CMIP: variants seen among roughly 807,000 people sequenced by gnomAD.
The protein encoded by CMIP is c-Maf inducing protein.
CMIP carries 13 observed loss-of-function variants against 97.3 expected under a neutral mutation model. That is an observed-to-expected ratio of 0.13 (90% confidence interval 0.09 to 0.21). CMIP has a LOEUF of 0.21. Among genes scored for constraint, CMIP ranks in the 10% least tolerant of loss-of-function variants. CMIP has a pLI of 1.00. For synonymous variants in CMIP, 538 were observed against 436.3 expected, an observed-to-expected ratio of 1.23 and a Z score of -2.91; for missense variants, 847 against 1,024.9, an observed-to-expected ratio of 0.83 and a Z score of 2.37.
chr16:81,521,379 C>A (rs1280659535), intron 1 of CMIP, among the ~76,000 whole-genome samples: 3 of 7,984 alleles, frequency 3.8e-4, no homozygotes, highest in African/African-American at 1.3e-3. Context: ...CATTTGCCAC[C>A]CCCCCCCGAA....
intron 1 of CMIP, among the ~76,000 whole-genome samples, chr16:81,447,052 C>CA (rs1567520164): frequency 6.6e-6 from 1 of 152,138 alleles, no homozygotes; most frequent in African/African-American, 2.4e-5. Context: ...GCCCGTCCCG[C>CA]GCCACAGGCC....
intron 3 of CMIP, among the ~76,000 whole-genome samples, chr16:81,641,168 G>T (rs1238302578): frequency 6.6e-6 from 1 of 152,164 alleles, no homozygotes; most frequent in East Asian, 1.9e-4. Context: ...GGCAATTCCT[G>T]TGCACACGAA....
intron 9 of CMIP, among the ~76,000 whole-genome samples, chr16:81,672,292 TGCAA>T: frequency 6.6e-6 from 1 of 152,222 alleles, no homozygotes. Flanking sequence ...GCACCGCAAC[TGCAA>T]GGCTGTTAGA....
chr16:81,447,123 G>A lies in CMIP; in HGVS notation c.300+1582G>A, dbSNP rs1474141410. ...AGAGCCTCCGAAAATTTGCCAGTACGGAGTGTTTCTGATGTGGGGAGGAAC... is the reference window on the plus strand; with the variant it reads ...AGAGCCTCCGAAAATTTGCCAGTACAGAGTGTTTCTGATGTGGGGAGGAAC... On this transcript the variant is annotated intron_variant, in intron 1 of 20. Transcript: ENST00000537098. 5.3e-5 allele frequency among the ~76,000 whole-genome samples: 8 copies of A among 152,178 alleles called. No homozygotes were observed. The East Asian group carries it at 9.6e-4, about 18-fold the overall frequency.
At chr16:81,663,818 C>G (rs1422059812) in intron 6 of CMIP, among the ~76,000 whole-genome samples, 2 of 152,020 alleles carry the variant, frequency 1.3e-5, no homozygotes, top group East Asian at 3.9e-4. Context: ...CACTTTACCC[C>G]CTGCCCAGGG....
intron 1 of CMIP, among the ~76,000 whole-genome samples, chr16:81,544,360 C>T (rs761342422): frequency 2.0e-5 from 3 of 152,118 alleles, no homozygotes; most frequent in Non-Finnish European, 4.4e-5. Flanking sequence ...ATGTGTGTGG[C>T]GTGAACACGT....
intron 1 of CMIP, among the ~76,000 whole-genome samples, chr16:81,555,904 C>A (rs991541853): frequency 6.6e-6 from 1 of 152,194 alleles, no homozygotes; most frequent in African/African-American, 2.4e-5. Context: ...ATAATACCCA[C>A]CCCTGGGAGA....
At chr16:81,497,424 A>T (rs2925995) in intron 1 of CMIP, among the ~76,000 whole-genome samples, 54,517 of 152,066 alleles carry the variant, frequency 0.36, 10,155 homozygotes, top group African/African-American at 0.46. Flanking sequence ...TGGAGCTCAT[A>T]ATAAGTAGGG....
intron 6 of CMIP, among the ~76,000 whole-genome samples, chr16:81,663,139 A>T (rs2092565770): frequency 6.6e-6 from 1 of 151,884 alleles, no homozygotes; most frequent in African/African-American, 2.4e-5. Flanking sequence ...ACTCGTAGGT[A>T]TTTCCCCAAA....
intron 20 of CMIP, among the ~76,000 whole-genome samples, chr16:81,708,876 TTGCATG>T (rs1183651056): frequency 1.3e-5 from 2 of 152,152 alleles, no homozygotes; most frequent in South Asian, 2.1e-4. Context: ...CAGCGAGGAA[TTGCATG>T]TGCATGTGTG....
At chr16:81,520,202 G>C (rs1443348350) in intron 1 of CMIP, 1 of 152,180 alleles carries the variant, frequency 6.6e-6, no homozygotes, top group Non-Finnish European at 1.5e-5. Context: ...AGTCCTGCTG[G>C]CTGGGTTTGA....
At chr16:81,531,206 G>A (rs2090228269) in intron 1 of CMIP, among the ~76,000 whole-genome samples, 1 of 152,188 alleles carries the variant, frequency 6.6e-6, no homozygotes, top group African/African-American at 2.4e-5. Flanking sequence ...TAGACACAGA[G>A]AGACACACAG....
At chr16:81,696,793 ATC>A in intron 14 of CMIP, 126 bp downstream of exon 14, 59 of 790,884 alleles carry the variant, frequency 7.5e-5, no homozygotes, top group Non-Finnish European at 9.1e-5. Flanking sequence ...CACAGTGCTG[ATC>A]ATGAAGGTGG....
At chr16:81,544,742 T>C (rs899965601) in intron 1 of CMIP, among the ~76,000 whole-genome samples, 2 of 151,952 alleles carry the variant, frequency 1.3e-5, no homozygotes, top group Non-Finnish European at 2.9e-5. Flanking sequence ...TGTGTGTGTG[T>C]GCGTGTATTT....
rs150438702 is a variant in CMIP at position 81,623,354 on chromosome 16, A to C, written c.477+2428A>C. Among the ~76,000 whole-genome samples, 321 of 152,380 alleles carry C rather than the reference A, an allele frequency of 2.1e-3. 1 individual carries two copies. Among genetic ancestry groups the C allele is most frequent in the African/African-American group, 7.3e-3 (302 of 41,590 alleles). ...GGCATCCGGTTTATTTATGGTTGCT[A>C]AATTTAATCAAGCAGTTTAAAAAAT... On this transcript the variant is annotated intron_variant, in intron 3 of 20. Coordinates refer to ENST00000537098, the MANE Select transcript of CMIP (RefSeq NM_198390.3).
At chr16:81,491,584 A>G (rs776534217) in intron 1 of CMIP, among the ~76,000 whole-genome samples, 1 of 152,214 alleles carries the variant, frequency 6.6e-6, no homozygotes, top group African/African-American at 2.4e-5. Flanking sequence ...CAATTCACCC[A>G]AGTATGGAAA....
chr16:81,476,087 A>C (rs55873299), intron 1 of CMIP: 113,105 of 770,506 alleles, frequency 0.15, 9,229 homozygotes, highest in Non-Finnish European at 0.16. Flanking sequence ...CCTGGACCCA[A>C]AGTGCTCCAT....
intron 10 of CMIP, 99 bp from the exon 11 acceptor site, chr16:81,691,676 A>G (rs1906094957): frequency 1.1e-6 from 1 of 894,468 alleles, no homozygotes; most frequent in Non-Finnish European, 1.8e-6. Flanking sequence ...ACTACCTGCC[A>G]GGCTCTCACC....
chr16:81,635,963 A>G (rs1225445797), intron 3 of CMIP, among the ~76,000 whole-genome samples: 1 of 143,324 alleles, frequency 7.0e-6, no homozygotes, highest in African/African-American at 2.5e-5. Flanking sequence ...TGGAGTTAGC[A>G]TGGATTCAGG....
Sources: allele counts gnomAD v4.1 joint callset (sites outside exome capture counted in the v4.1 genomes callset), GRCh38; gene constraint gnomAD v4.1.1; transcripts MANE v1.5; gene names NCBI Gene and HGNC (gene_info 2026-07-23, HGNC 2026-07-21).